Variants in SACS observed in about 807,000 individuals in gnomAD.
SACS encodes sacsin.
SACS carries 197 observed loss-of-function variants against 348.0 expected under a neutral mutation model. The observed-to-expected ratio is 0.57, with a 90% CI of 0.50 to 0.64. SACS has a LOEUF of 0.64. Among genes scored for constraint, SACS ranks in the 30% least tolerant of loss-of-function variants. The pLI is 0.00. For missense variants in SACS, 4,999 were observed against 5,360.8 expected (o/e 0.93, Z 2.11); for synonymous variants, 1,985 against 1,910.6 (o/e 1.04, Z -1.02).
intron 1 of SACS, among the ~76,000 whole-genome samples, chr13:23,429,641 G>A (rs1489198475): frequency 6.6e-6 from 1 of 151,796 alleles, no homozygotes; most frequent in Non-Finnish European, 1.5e-5. Context: ...GGGATTACAG[G>A]CGTGAGCCAC....
At chr13:23,391,123 A>G (rs981470240) in intron 2 of SACS, among the ~76,000 whole-genome samples, 1 of 152,270 alleles carries the variant, frequency 6.6e-6, no homozygotes, top group East Asian at 1.9e-4. Context: ...ATGTGGCGGA[A>G]TTTCAATCAT....
rs758674945 is a variant in SACS at position 23,382,783 on chromosome 13, G to GTT, written c.21-7516_21-7515dup. Among the ~76,000 whole-genome samples the GTT allele has an allele frequency of 1.1e-4, 15 of 137,960 alleles. 2 individuals carry two copies. Among genetic ancestry groups the GTT allele is most frequent in the East Asian group, 6.3e-4 (3 of 4,778 alleles). 90.5% of individuals were successfully genotyped at this position (137,960 alleles called of 152,430 possible). ...TTGTTTTGTTTTGTGTGTGTGTGTG[G>GTT]TTTTTGTTTTTTTTTTTGAGATAGA... On this transcript the variant is annotated intron_variant, in intron 2 of 9. Coordinates refer to ENST00000382292, the MANE Select transcript of SACS (RefSeq NM_014363.6).
At chr13:23,428,680 A>G (rs1874295449) in intron 1 of SACS, 1 of 152,202 alleles carries the variant, frequency 6.6e-6, no homozygotes, top group East Asian at 1.9e-4. Context: ...TGTACAACAG[A>G]AAAAATACTG....
intron 4 of SACS, among the ~76,000 whole-genome samples, chr13:23,369,292 G>A (rs1871242226): frequency 6.6e-6 from 1 of 152,096 alleles, no homozygotes; most frequent in Non-Finnish European, 1.5e-5. Flanking sequence ...TTCAAGCCTT[G>A]CCTAAACTAG....
chr13:23,345,881 TA>T (rs889668509), intron 9 of SACS, among the ~76,000 whole-genome samples: 7 of 151,962 alleles, frequency 4.6e-5, no homozygotes, highest in Admixed American at 6.6e-5. Flanking sequence ...ATAGGACCAC[TA>T]GTTGAGTCAA....
rs2137624716 is a variant in SACS, at chr13:23,339,123, T to C, written c.4753A>G (p.Ile1585Val). ...REFMIMFDPN[I>V]NHISKHIKDK... ...TTAATGTGTTTACTGATATGATTTA[T>C]GTTTGGATCGAACATTATCATGAAT... Residue 1585 changes from isoleucine to valine, a missense_variant, in exon 10 of 10, where the codon ATA becomes GTA. Physicochemically the swap from Ile to Val is conservative, Grantham distance 29. This residue lies in a region of SACS where 3,156 missense variants were observed against 3,380.1 expected (regional missense o/e 0.93). Transcript: ENST00000382292. The C allele has an allele frequency of 1.9e-6, 3 of 1,611,168 alleles. No homozygotes were observed. The highest frequency in any genetic ancestry group is 2.5e-6 in the Non-Finnish European group (3 of 1,178,184).
At chr13:23,368,902 T>C (rs1593156148) in intron 4 of SACS, among the ~76,000 whole-genome samples, 1 of 152,110 alleles carries the variant, frequency 6.6e-6, no homozygotes, top group Non-Finnish European at 1.5e-5. Context: ...GGTTTCACCA[T>C]GTTAGCCAGG....
Position 23,335,774 on chromosome 13 carries a change from G to A in SACS, c.8102C>T (p.Pro2701Leu). Residue 2701 changes from proline (P) to leucine (L), a missense_variant, in exon 10 of 10, where the codon CCT becomes CTT. Pro to Leu is a moderately conservative substitution (Grantham distance 98, BLOSUM62 -3). Coordinates refer to ENST00000382292, the MANE Select transcript of SACS (RefSeq NM_014363.6). The surrounding 1 kb of genome is among the most constrained non-coding windows in gnomAD (Gnocchi z 4.7). ...KLDNCTMFRF[P>L]LRNAEMAKVS... ...TTTTGCCATTTCTGCATTACGAAGA[G>A]GAAATCTGAACATTGTGCAATTATC... The A allele has an allele frequency of 2.5e-6, 4 of 1,614,016 alleles. No individual in the cohort carries two copies. The highest frequency in any genetic ancestry group is 3.4e-6 in the Non-Finnish European group (4 of 1,179,918).
chr13:23,329,253 GTTTT>G lies in SACS; in HGVS notation c.*879_*882del, dbSNP rs942209831. ...ACATGCCATATTGAAAGAAAAGGTT[GTTTT>G]TTTTTTAACTGCAGCACCTTTAGAC... On this transcript the variant is annotated 3_prime_UTR_variant, in exon 10 of 10. Transcript: ENST00000382292. The G allele has an allele frequency of 6.6e-6, 3 of 457,308 alleles. No individual in the cohort carries two copies. The highest frequency in any genetic ancestry group is 1.2e-5 in the Non-Finnish European group (3 of 257,280). 28.3% of individuals were successfully genotyped at this position (457,308 alleles called of 1,614,324 possible).
intron 2 of SACS, among the ~76,000 whole-genome samples, chr13:23,405,708 A>C (rs963789329): frequency 6.6e-6 from 1 of 151,958 alleles, no homozygotes; most frequent in African/African-American, 2.4e-5. Flanking sequence ...GAAAAAAAAA[A>C]CCCCATTAAA....
rs76970461 is a variant in SACS, at chr13:23,395,123, G to A, written c.20+16097C>T. Among the ~76,000 whole-genome samples, 3 of 119,116 alleles carry A rather than the reference G, an allele frequency of 2.5e-5. 1 individual carries two copies. Among genetic ancestry groups the A allele is most frequent in the Non-Finnish European group, 5.6e-5 (3 of 53,752 alleles). 78.1% of individuals were successfully genotyped at this position (119,116 alleles called of 152,430 possible). A position where few individuals can be genotyped will look rare whatever the true frequency, so the allele number is the denominator to read the frequency against. On this transcript the variant is annotated intron_variant, in intron 2 of 9. Coordinates refer to ENST00000382292, the MANE Select transcript of SACS (RefSeq NM_014363.6). ...GACAGGGAGGCTGGGTCAGAGTCCT[G>A]GGCTTCCCTGTTTATTAAATATGGA...
intron 2 of SACS, among the ~76,000 whole-genome samples, chr13:23,378,123 G>GT (rs1349287766): frequency 1.3e-5 from 2 of 152,316 alleles, no homozygotes; most frequent in African/African-American, 4.8e-5. Flanking sequence ...CTAGAGTGCT[G>GT]TACAAAATAG....
chr13:23,427,826 C>T (rs1426898983), intron 1 of SACS: 1 of 152,164 alleles, frequency 6.6e-6, no homozygotes, highest in Non-Finnish European at 1.5e-5. Context: ...CTGGCTGGTC[C>T]CCGAGGACGA....
At chr13:23,421,169 T>C (rs1448735331) in intron 1 of SACS, among the ~76,000 whole-genome samples, 1 of 151,918 alleles carries the variant, frequency 6.6e-6, no homozygotes, top group African/African-American at 2.4e-5. Flanking sequence ...GATATCCACC[T>C]GTGGCTTCCA....
chr13:23,352,763 G>A (rs1020886261), intron 9 of SACS, among the ~76,000 whole-genome samples: 2 of 152,150 alleles, frequency 1.3e-5, no homozygotes, highest in African/African-American at 4.8e-5. Flanking sequence ...TAACTCAGAC[G>A]TTTGAAAAGT....
chr13:23,353,045 G>A (rs184624382), intron 9 of SACS, among the ~76,000 whole-genome samples: 142 of 152,268 alleles, frequency 9.3e-4, no homozygotes, highest in Non-Finnish European at 1.7e-3. Context: ...AACTTTTCAG[G>A]ACAACATCTC....
intron 2 of SACS, among the ~76,000 whole-genome samples, chr13:23,400,443 A>C (rs1302523890): frequency 6.6e-6 from 1 of 151,916 alleles, no homozygotes; most frequent in African/African-American, 2.4e-5. Context: ...TTTTTTGAGA[A>C]GGGGTCTCGC....
At chr13:23,366,935 C>CTA (rs1555255472) in intron 5 of SACS, among the ~76,000 whole-genome samples, 2 of 152,138 alleles carry the variant, frequency 1.3e-5, no homozygotes, top group Admixed American at 6.5e-5. Context: ...CTAAAACAGT[C>CTA]TAATTCTACC....
At chr13:23,428,404 T>C (rs763716416) in intron 1 of SACS, 2 of 152,136 alleles carry the variant, frequency 1.3e-5, no homozygotes, top group African/African-American at 2.4e-5. Flanking sequence ...ATTTGCAAAA[T>C]GGAAAAGTCG....
Sources: allele counts gnomAD v4.1 joint callset (sites outside exome capture counted in the v4.1 genomes callset), GRCh38; gene constraint gnomAD v4.1.1; regional missense constraint gnomAD v4.1.1; non-coding constraint Gnocchi (gnomAD v3.1); transcripts MANE v1.5; gene names NCBI Gene and HGNC (gene_info 2026-07-23, HGNC 2026-07-21).